ODF2L: variants seen among roughly 807,000 people sequenced by gnomAD.
ODF2L encodes protein BCAP.
In ODF2L, 76 loss-of-function variants were observed where a neutral mutation model predicts 86.3. That is an observed-to-expected ratio of 0.88 (90% CI 0.73 to 1.07). The LOEUF (loss-of-function observed/expected upper bound fraction) is 1.07, where lower values mean the gene tolerates loss of function less well. Ranked by LOEUF, ODF2L falls within the 50% of genes least tolerant of loss-of-function variation. The pLI is 0.00. For synonymous variants in ODF2L, 241 were observed against 231.3 expected, an observed-to-expected ratio of 1.04 and a Z score of -0.38; for missense variants, 748 against 717.4, an observed-to-expected ratio of 1.04 and a Z score of -0.49.
At chr1:86,377,694 A>C (rs1446934515) in intron 7 of ODF2L, among the ~76,000 whole-genome samples, 1 of 152,224 alleles carries the variant, frequency 6.6e-6, no homozygotes, top group Non-Finnish European at 1.5e-5. Context: ...CCCTCTGAAG[A>C]AATGGCCTGA....
At chr1:86,361,923 G>A (rs554411606) in intron 11 of ODF2L, among the ~76,000 whole-genome samples, 1 of 152,128 alleles carries the variant, frequency 6.6e-6, no homozygotes, top group Non-Finnish European at 1.5e-5. Context: ...TGGAGGGGCA[G>A]ACAGACAAAA....
At chr1:86,390,317 A>G (rs1326427961) in intron 1 of ODF2L, among the ~76,000 whole-genome samples, 1 of 152,080 alleles carries the variant, frequency 6.6e-6, no homozygotes, top group African/African-American at 2.4e-5. Flanking sequence ...GCTACTCAGG[A>G]GGCTGAGGCA....
At chr1:86,355,080 A>C (rs1349805885) in intron 14 of ODF2L, 1 of 542,358 alleles carries the variant, frequency 1.8e-6, no homozygotes, top group East Asian at 3.0e-5. Context: ...GAAAATAACC[A>C]ACTAAAAAAA....
chr1:86,356,671 A>G, intron 13 of ODF2L, 69 bp from the exon 13 acceptor site: 1 of 1,320,706 alleles, frequency 7.6e-7, no homozygotes, highest in Non-Finnish European at 1.0e-6. Context: ...ATTATCTTAA[A>G]TACTAGATAT....
At position 86,381,125 on chromosome 1, in the gene ODF2L, C is replaced by G. The variant is rs11161808; in HGVS notation, c.624+1117G>C. Among the ~76,000 whole-genome samples, 1,683 of 152,130 alleles carry G rather than the reference C, an allele frequency of 0.011. 67 individuals carry two copies. The East Asian group carries it at 0.11, about 10-fold the overall frequency. ...ACAGTTTCTTTTAATCATTTCTTAA[C>G]AGTAGCATTTTGGTAAAAGAATTTG... On this transcript the variant is annotated intron_variant, in intron 7 of 17. Transcript: ENST00000317336.
At chr1:86,360,316 C>G (rs1309252043) in intron 12 of ODF2L, 110 bp downstream of exon 11, 1 of 565,816 alleles carries the variant, frequency 1.8e-6, no homozygotes. Flanking sequence ...TATTATAACC[C>G]ACAATGATAG....
Position 86,383,120 on chromosome 1 carries a change from G to T in ODF2L, c.435+14C>A. On this transcript the variant is annotated intron_variant, in intron 5 of 17. Coordinates refer to ENST00000317336, the Ensembl canonical transcript of ODF2L. Reference sequence around the variant, plus strand: ...CAGGAAGAATGGACACAAAGTAAGTGTGGAAAGACTTACAGTATTTTCACT... The same window carrying T: ...CAGGAAGAATGGACACAAAGTAAGTTTGGAAAGACTTACAGTATTTTCACT... The T allele has an allele frequency of 6.6e-7, 1 of 1,514,022 alleles. No individual in the cohort carries two copies. Among genetic ancestry groups the T allele is most frequent in the Non-Finnish European group, 9.1e-7 (1 of 1,096,936 alleles). The allele number at this position is 1,514,022 out of a possible 1,614,324, so 93.8% of individuals were successfully genotyped here.
chr1:86,349,331 A>C (rs1338450296), downstream of ODF2L: 5 of 152,376 alleles, frequency 3.3e-5, no homozygotes, highest in Non-Finnish European at 7.3e-5. Context: ...AGAATTCTTC[A>C]TATTACACTG....
At chr1:86,381,956 C>T (rs771545624) in intron 7 of ODF2L, 1 of 210,228 alleles carries the variant, frequency 4.8e-6, no homozygotes, top group Non-Finnish European at 9.0e-6. Flanking sequence ...ATAAATTTTC[C>T]ACAGTAAATA....
At chr1:86,356,096 C>T (rs1658543217) in intron 14 of ODF2L, 2 of 194,028 alleles carry the variant, frequency 1.0e-5, no homozygotes, top group South Asian at 8.9e-5. Flanking sequence ...AAAATAAATT[C>T]AATTTTTGTA....
intron 13 of ODF2L, chr1:86,357,828 A>G (rs949554539): frequency 2.0e-6 from 2 of 985,082 alleles, no homozygotes; most frequent in African/African-American, 1.7e-5. Context: ...ACAGGCTCCA[A>G]CCCTTTCCGT....
chr1:86,355,361 T>C, intron 14 of ODF2L: 2 of 1,540,620 alleles, frequency 1.3e-6, no homozygotes, highest in Non-Finnish European at 1.8e-6. Context: ...CAAGACAGAA[T>C]ATTCTTCCCA....
intron 16 of ODF2L, 24 bp from the exon 16 acceptor site, chr1:86,353,008 A>C (rs1658256768): frequency 7.0e-7 from 1 of 1,421,560 alleles, no homozygotes; most frequent in Non-Finnish European, 9.7e-7. Flanking sequence ...CAAAAGAGTA[A>C]AATAAAGTGC....
At chr1:86,386,894 C>A in intron 2 of ODF2L, 21 bp downstream of exon 2, 1 of 1,236,076 alleles carries the variant, frequency 8.1e-7, no homozygotes, top group African/African-American at 1.5e-5. Context: ...TTTAGATTTC[C>A]CCTGATACTG....
In ODF2L at chr1:86,367,835, A is replaced by G. The variant is rs141539606; in HGVS notation, c.1143+801T>C. Among the ~76,000 whole-genome samples the G allele has an allele frequency of 4.9e-3, 741 of 152,320 alleles. 9 individuals are homozygous for G. Among genetic ancestry groups the G allele is most frequent in the African/African-American group, 0.017 (688 of 41,568 alleles). On this transcript the variant is annotated intron_variant, in intron 11 of 17. Transcript: ENST00000317336. ...AACGTGGGGAGAACAGACAAAGAAC[A>G]GAAAATATCCTTATTTTCCAAATAA...
At chr1:86,348,977 AT>A (rs1657947382), downstream of ODF2L, 3 of 1,237,028 alleles carry the variant, frequency 2.4e-6, no homozygotes, top group South Asian at 3.6e-5. Flanking sequence ...TAACTAGATA[AT>A]TCTTTTTGAT....
intron 4 of ODF2L, 98 bp from the exon 5 acceptor site, chr1:86,383,294 C>G (rs745575014): frequency 3.7e-6 from 2 of 541,466 alleles, no homozygotes; most frequent in Non-Finnish European, 6.5e-6. Context: ...ATTAATATGA[C>G]TTTTAATTCA....
intron 4 of ODF2L, among the ~76,000 whole-genome samples, chr1:86,384,390 A>G (rs1660789213): frequency 6.8e-6 from 1 of 146,696 alleles, no homozygotes; most frequent in South Asian, 2.2e-4. Flanking sequence ...ATGTATAAAT[A>G]TAATGTACAA....
intron 7 of ODF2L, 49 bp downstream of exon 7, chr1:86,382,193 T>G (rs1465770512): frequency 2.6e-6 from 4 of 1,511,156 alleles, no homozygotes; most frequent in Non-Finnish European, 3.5e-6. Context: ...TGGCCTTTCA[T>G]TAATTTTATC....
Sources: gnomAD v4.1 joint callset for allele counts (sites outside exome capture counted in the v4.1 genomes callset) on GRCh38, gnomAD v4.1.1 for gene constraint, MANE v1.5 for transcripts, NCBI Gene and HGNC (gene_info 2026-07-23, HGNC 2026-07-21) for gene names.